The following ZNF555 variants were observed in gnomAD, a reference collection of about 807,000 sequenced individuals.
The protein encoded by ZNF555 is zinc finger protein 555.
In ZNF555, 10 loss-of-function variants were observed where a neutral mutation model predicts 14.0. That is an observed-to-expected ratio of 0.72 (90% confidence interval 0.44 to 1.21). ZNF555 has a LOEUF of 1.21. ZNF555 is among the 50% of genes most tolerant of loss of function. The pLI is 0.00. For synonymous variants in ZNF555, 277 were observed against 262.4 expected (o/e 1.06, Z -0.54); for missense variants, 747 against 762.0 (o/e 0.98, Z 0.23).
intron 1 of ZNF555, among the ~76,000 whole-genome samples, chr19:2,849,775 A>T (rs1223704375): frequency 6.6e-6 from 1 of 151,996 alleles, no homozygotes; most frequent in Non-Finnish European, 1.5e-5. Flanking sequence ...GGCATGAGCC[A>T]CCACACTTGG....
At position 2,851,521 on chromosome 19, in the gene ZNF555, G is replaced by A; in HGVS notation, c.184G>A (p.Gly62Arg). 2 of 1,608,530 alleles carry A rather than the reference G, an allele frequency of 1.2e-6. No homozygotes were observed. Among genetic ancestry groups the A allele is most frequent in the Non-Finnish European group, 8.5e-7 (1 of 1,178,550 alleles). ...GTCAGTTTCTCAGCAGGATATTTATGGAGAGAAAATACCCAAGGAATCTAA... is the reference window on the plus strand; with the variant it reads ...GTCAGTTTCTCAGCAGGATATTTATAGAGAGAAAATACCCAAGGAATCTAA... The part of the protein sequence containing the change: ...SGSVSQQDIY[G>R]EKIPKESKIA... The change falls in exon 3 of 4, where the codon GGA becomes AGA. Residue 62 changes from glycine to arginine, a missense_variant. Coordinates refer to ENST00000334241, the MANE Select transcript of ZNF555 (RefSeq NM_152791.5).
Sources: gnomAD v4.1 joint callset for allele counts (sites outside exome capture counted in the v4.1 genomes callset) on GRCh38, gnomAD v4.1.1 for gene constraint, MANE v1.5 for transcripts, NCBI Gene and HGNC (gene_info 2026-07-23, HGNC 2026-07-21) for gene names.